The following TRAPPC6A variants were observed in gnomAD, a reference collection of about 807,000 sequenced individuals.
TRAPPC6A encodes the protein trafficking protein particle complex subunit 6A.
A neutral mutation model predicts 20.8 loss-of-function variants in TRAPPC6A; 25 were observed. That is an observed-to-expected ratio of 1.20 (90% CI 0.88 to 1.68). The LOEUF (loss-of-function observed/expected upper bound fraction) is 1.68. Ranked by LOEUF, TRAPPC6A falls within the 40% of genes most tolerant of loss-of-function variation. TRAPPC6A has a pLI of 0.00. For synonymous variants in TRAPPC6A, 96 were observed against 93.3 expected, an observed-to-expected ratio of 1.03 and a Z score of -0.16; for missense variants, 215 against 211.6, an observed-to-expected ratio of 1.02 and a Z score of -0.10.
intron 1 of TRAPPC6A, among the ~76,000 whole-genome samples, chr19:45,174,680 T>C (rs747654428): frequency 6.6e-6 from 1 of 151,790 alleles, no homozygotes; most frequent in Non-Finnish European, 1.5e-5. Flanking sequence ...AATTTAAAAA[T>C]TAGCAGGGTA....
Position 45,163,048 on chromosome 19 carries a change from C to A in TRAPPC6A, c.*144G>T. ...CCTTTGCCTCCTCTGACACCCCCAC[C>A]TCAATTTGATACCCACTTCCTGAGC... is the stretch of plus-strand genomic sequence containing the variant. On this transcript the variant is annotated 3_prime_UTR_variant, in exon 6 of 6. Transcript: ENST00000585934. This position sits in a 1 kb window ranked among gnomAD's most constrained non-coding sequence, Gnocchi z 5.3. 1.1e-6 allele frequency: 1 copy of A among 942,032 alleles called. No homozygotes were observed. Among genetic ancestry groups the A allele is most frequent in the Non-Finnish European group, 1.6e-6 (1 of 632,000 alleles). 58.4% of individuals were successfully genotyped at this position (942,032 alleles called of 1,614,324 possible).
At position 45,163,209 on chromosome 19, in the gene TRAPPC6A, C is replaced by G. The variant is rs1166792615; in HGVS notation, c.463G>C (p.Val155Leu). 2 of 1,613,798 alleles carry G rather than the reference C, an allele frequency of 1.2e-6. No homozygotes were observed. The highest frequency in any genetic ancestry group is 3.3e-5 in the Admixed American group (2 of 59,990). The stretch of plus-strand genomic sequence containing the variant: ...AGGCAGGCTTAGGATTTCGGAATCA[C>G]CACCTGGAACTTACCTGGAAGAGAA... ...AALPVCKFQV[V>L]IPKS Residue 155 changes from valine (V) to leucine (L), a missense_variant, in exon 6 of 6, where the codon GTG becomes CTG. Coordinates refer to ENST00000585934, the MANE Select transcript of TRAPPC6A (RefSeq NM_001270891.2). The surrounding 1 kb of genome is among the most constrained non-coding windows in gnomAD (Gnocchi z 5.3).
At chr19:45,171,275 C>T (rs961147185) in intron 1 of TRAPPC6A, among the ~76,000 whole-genome samples, 6 of 149,868 alleles carry the variant, frequency 4.0e-5, no homozygotes, top group Admixed American at 1.3e-4. Flanking sequence ...ACATTCCAGC[C>T]TGGGTGACAG....
chr19:45,167,411 A>C (rs1001567283), intron 1 of TRAPPC6A, among the ~76,000 whole-genome samples: 1 of 152,242 alleles, frequency 6.6e-6, no homozygotes, highest in Non-Finnish European at 1.5e-5. Context: ...TTGAAATATT[A>C]AACACTGAAA....
In TRAPPC6A at chr19:45,163,968, A is replaced by G. The variant is rs912821983; in HGVS notation, c.396T>C (p.Tyr132=). 1 of 1,575,758 alleles carries G rather than the reference A, an allele frequency of 6.3e-7. No homozygotes were observed. Residue 132 remains tyrosine (Y), a synonymous_variant, in exon 5 of 6, where the codon TAT becomes TAC. Transcript: ENST00000585934. The surrounding 1 kb of genome is among the most constrained non-coding windows in gnomAD (Gnocchi z 5.3). ...FTCGLLRGAL[Y]TLGIESVVTA... ...TGACCACGCTCTCAATGCCCAGGGT[A>G]TAGAGGGCGCCGCGCAGGAGGCCGC...
intron 1 of TRAPPC6A, among the ~76,000 whole-genome samples, chr19:45,174,164 C>T (rs561329994): frequency 6.6e-6 from 1 of 152,318 alleles, no homozygotes; most frequent in South Asian, 2.1e-4. Context: ...CAAGGAACTC[C>T]GTCCATCAAA....
chr19:45,169,707 G>A (rs565824334), intron 1 of TRAPPC6A, among the ~76,000 whole-genome samples: 1 of 152,330 alleles, frequency 6.6e-6, no homozygotes, highest in South Asian at 2.1e-4. Flanking sequence ...AGAACAGCCC[G>A]GGCGAGAGCT....
rs765399801 is a variant in TRAPPC6A, at chr19:45,164,965, G to A, written c.158C>T (p.Pro53Leu). ...CTCCCTGAAGGCCAGCGTCTCCCGG[G>A]GCAGCCTGGTGGGGCAGTACCAAGC... The part of the protein sequence containing the change: ...RVGQALGERL[P>L]RETLAFREEL... The change falls in exon 3 of 6, where the codon CCC (proline) becomes CTC (leucine). Residue 53 changes from proline to leucine, a missense_variant. Pro to Leu is a moderately conservative substitution (Grantham distance 98). Transcript: ENST00000585934. 1 of 1,614,000 alleles carries A rather than the reference G, an allele frequency of 6.2e-7. No homozygotes were observed. The highest frequency in any genetic ancestry group is 1.3e-5 in the African/African-American group (1 of 74,940).
intron 1 of TRAPPC6A, among the ~76,000 whole-genome samples, chr19:45,169,914 G>T (rs1046601103): frequency 6.6e-6 from 1 of 152,188 alleles, no homozygotes; most frequent in African/African-American, 2.4e-5. Flanking sequence ...CCTCATTCAT[G>T]CCACAGACAT....
chr19:45,172,543 G>A lies in TRAPPC6A; in HGVS notation c.84+5592C>T, dbSNP rs1969287503. ...GAAGGAGCAGCCCTGGTTAAGAAAA[G>A]CACACAGACAGAAGTGCTGGCACAC... On this transcript the variant is annotated intron_variant, in intron 1 of 5. Transcript: ENST00000585934. The surrounding 1 kb of genome is among the most constrained non-coding windows in gnomAD (Gnocchi z 4.2). 6.6e-6 allele frequency among the ~76,000 whole-genome samples: 1 copy of A among 151,676 alleles called. No homozygotes were observed. The highest frequency in any genetic ancestry group is 6.6e-5 in the Admixed American group (1 of 15,262).
chr19:45,164,824 G>A, intron 3 of TRAPPC6A, 29 bp downstream of exon 3: 1 of 1,598,422 alleles, frequency 6.3e-7, no homozygotes, highest in Non-Finnish European at 8.6e-7. Flanking sequence ...TCAGGAGGAA[G>A]CTGGACGGGC....
rs775100406 is a variant in TRAPPC6A, at chr19:45,164,196, A to T, written c.322T>A (p.Ser108Thr). ...NSFPLLLPMA[S>T]GLQYLEEAPK... ...GCTTCCTCCAGATACTGCAGGCCAG[A>T]GGCCATCGGGAGGAGGAGGGGGAAG... Residue 108 changes from serine (S) to threonine (T), a missense_variant, in exon 4 of 6, where the codon TCT becomes ACT. Ser to Thr is a moderately conservative substitution (Grantham distance 58, BLOSUM62 1). Coordinates refer to ENST00000585934, the MANE Select transcript of TRAPPC6A (RefSeq NM_001270891.2). The T allele has an allele frequency of 1.2e-6, 2 of 1,610,340 alleles. No homozygotes were observed. Among genetic ancestry groups the T allele is most frequent in the Admixed American group, 3.4e-5 (2 of 59,544 alleles).
chr19:45,163,559 C>T lies in TRAPPC6A; in HGVS notation c.449-336G>A, dbSNP rs1269970082. Among the ~76,000 whole-genome samples, 1 of 152,048 alleles carries T rather than the reference C, an allele frequency of 6.6e-6. No homozygotes were observed. The highest frequency in any genetic ancestry group is 1.5e-5 in the Non-Finnish European group (1 of 67,970). On this transcript the variant is annotated intron_variant, in intron 5 of 5. Transcript: ENST00000585934. This position sits in a 1 kb window ranked among gnomAD's most constrained non-coding sequence, Gnocchi z 5.3. ...TGGGGGAGGTGGTGGGGCAGGCTGT[C>T]CCCAGGCAGGAATGGGGCTCCAGCT...
intron 1 of TRAPPC6A, among the ~76,000 whole-genome samples, chr19:45,177,712 G>A (rs919772658): frequency 1.4e-4 from 22 of 152,184 alleles, no homozygotes; most frequent in South Asian, 4.1e-4. Flanking sequence ...TACAACAGAC[G>A]CTCAATAAGT....
At chr19:45,174,236 G>T (rs1969319034) in intron 1 of TRAPPC6A, among the ~76,000 whole-genome samples, 1 of 152,126 alleles carries the variant, frequency 6.6e-6, no homozygotes, top group Non-Finnish European at 1.5e-5. Context: ...GTCATCAGAA[G>T]ATCAAATGAA....
intron 1 of TRAPPC6A, among the ~76,000 whole-genome samples, chr19:45,174,534 G>A (rs1372042509): frequency 2.6e-5 from 4 of 152,156 alleles, no homozygotes; most frequent in African/African-American, 4.8e-5. Flanking sequence ...CAATTCAGAC[G>A]CATCCTGGCA....
intron 1 of TRAPPC6A, among the ~76,000 whole-genome samples, chr19:45,171,858 C>T (rs541243145): frequency 1.3e-5 from 2 of 152,190 alleles, no homozygotes; most frequent in East Asian, 1.9e-4. Context: ...GGAGGATGAA[C>T]GGAAAAAGCA....
Position 45,164,262 on chromosome 19 carries a change from AG to A in TRAPPC6A, c.271-16del. On this transcript the variant is annotated splice_polypyrimidine_tract_variant and intron_variant, in intron 3 of 5. Coordinates refer to ENST00000585934, the MANE Select transcript of TRAPPC6A (RefSeq NM_001270891.2). ...ACGTAGGTCCCCTGGGGGAGAGGAG[AG>A]GCTGGTGGGTGGGGTCGGGGCCTGT... is the stretch of plus-strand genomic sequence containing the variant. 6.4e-7 allele frequency: 1 copy of A among 1,574,132 alleles called. No individual in the cohort carries two copies. The highest frequency in any genetic ancestry group is 8.7e-7 in the Non-Finnish European group (1 of 1,155,520).
chr19:45,162,951 T>G lies in TRAPPC6A; in HGVS notation c.*241A>C. ...AGTCAGATTCCACACACACAGCCTT[T>G]ATTGAGCAGCTACTGGGCAGTGACG... On this transcript the variant is annotated 3_prime_UTR_variant, in exon 6 of 6. Transcript: ENST00000585934. 2.5e-6 allele frequency: 1 copy of G among 407,382 alleles called. No homozygotes were observed. The highest frequency in any genetic ancestry group is 4.4e-6 in the Non-Finnish European group (1 of 228,732). 25.2% of individuals were successfully genotyped at this position (407,382 alleles called of 1,614,324 possible). A position where few individuals can be genotyped will look rare whatever the true frequency, so the allele number is the denominator to read the frequency against.
Sources: gnomAD v4.1 joint callset for allele counts (sites outside exome capture counted in the v4.1 genomes callset) on GRCh38, gnomAD v4.1.1 for gene constraint, Gnocchi (gnomAD v3.1) non-coding constraint, MANE v1.5 for transcripts, NCBI Gene and HGNC (gene_info 2026-07-23, HGNC 2026-07-21) for gene names.